The following C8A variants were observed in gnomAD, a reference collection of about 807,000 sequenced individuals.
The protein encoded by C8A is complement component C8 alpha chain.
C8A carries 67 observed loss-of-function variants against 65.3 expected under a neutral mutation model. The observed-to-expected ratio is 1.03, with a 90% CI of 0.84 to 1.26. The LOEUF is 1.26. Among genes scored for constraint, C8A ranks in the 50% most tolerant of loss-of-function variants. The probability of loss-of-function intolerance (pLI) is 0.00; values close to 1 mark genes in which losing one functional copy is unlikely to be tolerated. For synonymous variants in C8A, 290 were observed against 259.4 expected (o/e 1.12, Z -1.13); for missense variants, 781 against 723.9 (o/e 1.08, Z -0.90).
chr1:56,882,843 C>T (rs1644258953), intron 5 of C8A, among the ~76,000 whole-genome samples: 2 of 152,124 alleles, frequency 1.3e-5, no homozygotes, highest in African/African-American at 4.8e-5. Flanking sequence ...TATTTGTCCA[C>T]CCTAAAGTAG....
intron 10 of C8A, among the ~76,000 whole-genome samples, chr1:56,913,469 A>G (rs2101313218): frequency 6.6e-6 from 1 of 152,370 alleles, no homozygotes; most frequent in South Asian, 2.1e-4. Context: ...ACAAGCATTA[A>G]AAGTCCATTG....
chr1:56,905,609 A>C (rs1644458032), intron 7 of C8A, among the ~76,000 whole-genome samples: 1 of 152,224 alleles, frequency 6.6e-6, no homozygotes. Context: ...TTTGATGCTC[A>C]ATACTCCCTT....
intron 1 of C8A, among the ~76,000 whole-genome samples, chr1:56,855,330 A>G (rs886419639): frequency 1.3e-5 from 2 of 152,146 alleles, no homozygotes; most frequent in African/African-American, 4.8e-5. Context: ...TACTCAGCTT[A>G]TAGTAGACAC....
intron 4 of C8A, among the ~76,000 whole-genome samples, chr1:56,878,635 T>G (rs948352987): frequency 6.6e-6 from 1 of 152,152 alleles, no homozygotes; most frequent in African/African-American, 2.4e-5. Flanking sequence ...TTTTTCTAAT[T>G]TAAGCATTTC....
chr1:56,870,993 T>C (rs1644142320), intron 2 of C8A, among the ~76,000 whole-genome samples: 1 of 152,174 alleles, frequency 6.6e-6, no homozygotes, highest in African/African-American at 2.4e-5. Flanking sequence ...AAGGGAATAT[T>C]GGCACCAACC....
chr1:56,885,396 A>ATAAATATATATTTATTTAAATATATATT (rs1266028204), intron 6 of C8A, among the ~76,000 whole-genome samples: 3 of 99,602 alleles, frequency 3.0e-5, no homozygotes, highest in Admixed American at 1.4e-4. Flanking sequence ...ATATATTTAA[A>ATAAATATATATTTATTTAAATATATATT]TAAATATATA....
At chr1:56,869,796 C>T (rs1644125788) in intron 2 of C8A, among the ~76,000 whole-genome samples, 1 of 152,172 alleles carries the variant, frequency 6.6e-6, no homozygotes, top group Admixed American at 6.5e-5. Context: ...CCTCTTCATT[C>T]TCAGTCCGAT....
chr1:56,908,523 A>G (rs2101301704), intron 9 of C8A, among the ~76,000 whole-genome samples: 1 of 152,350 alleles, frequency 6.6e-6, no homozygotes, highest in Non-Finnish European at 1.5e-5. Context: ...TCTATAATAC[A>G]CAAAGTAGTA....
chr1:56,866,311 T>C (rs1186992356), intron 1 of C8A, among the ~76,000 whole-genome samples: 1 of 152,236 alleles, frequency 6.6e-6, no homozygotes, highest in Non-Finnish European at 1.5e-5. Context: ...GTTATTGTAA[T>C]TTTAAATAAG....
chr1:56,877,070 G>C (rs977475256), intron 4 of C8A, among the ~76,000 whole-genome samples: 13 of 152,138 alleles, frequency 8.5e-5, no homozygotes, highest in African/African-American at 3.1e-4. Flanking sequence ...ATATACCAGC[G>C]ATCTCTCTCT....
rs11325191 is a variant in C8A, at chr1:56,911,065, G to GTTTTTTTTTT, written c.1381-1331_1381-1322dup. Among the ~76,000 whole-genome samples, 3 of 141,884 alleles carry GTTTTTTTTTT rather than the reference G, an allele frequency of 2.1e-5. No individual in the cohort carries two copies. The South Asian group carries it at 6.8e-4, about 32-fold the overall frequency. 93.1% of individuals were successfully genotyped at this position (141,884 alleles called of 152,430 possible). ...TATGCATGCAATTTGAAAAACATGG[G>GTTTTTTTTTT]TTTTTTTTTTTTTTTTACTATTATC... is the stretch of plus-strand genomic sequence containing the variant. On this transcript the variant is annotated intron_variant, in intron 9 of 10. Coordinates refer to ENST00000361249, the MANE Select transcript of C8A (RefSeq NM_000562.3).
intron 7 of C8A, among the ~76,000 whole-genome samples, chr1:56,903,370 A>G (rs994192141): frequency 3.3e-5 from 5 of 152,028 alleles, no homozygotes; most frequent in Non-Finnish European, 5.9e-5. Flanking sequence ...GGGAAGAAGG[A>G]TGTGTTTGCT....
chr1:56,893,782 C>T (rs972853949), intron 7 of C8A, among the ~76,000 whole-genome samples: 1 of 152,116 alleles, frequency 6.6e-6, no homozygotes, highest in African/African-American at 2.4e-5. Flanking sequence ...ACCCACATTC[C>T]AATAAGCACT....
At chr1:56,890,181 C>T (rs1644333616) in intron 7 of C8A, among the ~76,000 whole-genome samples, 1 of 152,138 alleles carries the variant, frequency 6.6e-6, no homozygotes, top group South Asian at 2.1e-4. Context: ...GCCTCCTTTG[C>T]ACATGCTGTT....
rs1485062152 is a variant in C8A, at chr1:56,867,673, A to G, written c.142A>G (p.Thr48Ala). 6.2e-7 allele frequency: 1 copy of G among 1,613,926 alleles called. No homozygotes were observed. The highest frequency in any genetic ancestry group is 2.2e-5 in the East Asian group (1 of 44,870). ...TCQLSNWSEW[T>A]DCFPCQDKKY... ...CCAGCTGAGCAACTGGTCAGAGTGG[A>G]CAGATTGCTTTCCGTGCCAGGACAA... Residue 48 changes from threonine to alanine, a missense_variant, in exon 2 of 11, where the codon ACA becomes GCA. Physicochemically the swap from Thr to Ala is moderately conservative, Grantham distance 58. Transcript: ENST00000361249.
chr1:56,899,955 G>T (rs563319310), intron 7 of C8A, among the ~76,000 whole-genome samples: 4 of 152,306 alleles, frequency 2.6e-5, no homozygotes, highest in African/African-American at 9.6e-5. Flanking sequence ...TTCCAGCTCA[G>T]GTAGTCTCTG....
At chr1:56,867,436 C>T (rs1644101456) in intron 1 of C8A, among the ~76,000 whole-genome samples, 173 bp from the exon 2 acceptor site, 1 of 152,174 alleles carries the variant, frequency 6.6e-6, no homozygotes, top group Admixed American at 6.5e-5. Context: ...AACCCTCTAG[C>T]ACCATACACT....
At chr1:56,870,686 G>A (rs191371681) in intron 2 of C8A, among the ~76,000 whole-genome samples, 11 of 150,350 alleles carry the variant, frequency 7.3e-5, no homozygotes, top group Admixed American at 1.3e-4. Flanking sequence ...TAAATTTTTC[G>A]TATTTATTTC....
chr1:56,861,763 T>G (rs944373622), intron 1 of C8A, among the ~76,000 whole-genome samples: 7 of 152,202 alleles, frequency 4.6e-5, no homozygotes, highest in Non-Finnish European at 8.8e-5. Flanking sequence ...GGAATCTCCA[T>G]GTAACTGGAT....
Sources: gnomAD v4.1 joint callset for allele counts (sites outside exome capture counted in the v4.1 genomes callset) on GRCh38, gnomAD v4.1.1 for gene constraint, MANE v1.5 for transcripts, NCBI Gene and HGNC (gene_info 2026-07-23, HGNC 2026-07-21) for gene names.